SNX4: variants seen among roughly 807,000 people sequenced by gnomAD.
SNX4 encodes sorting nexin-4.
A neutral mutation model predicts 70.8 loss-of-function variants in SNX4; 49 were observed. The ratio of observed to expected loss-of-function variants is 0.69; its 90% CI spans 0.55 to 0.88. SNX4 has a LOEUF of 0.88. Ranked by LOEUF, SNX4 falls within the 40% of genes least tolerant of loss-of-function variation. The pLI is 0.00. For missense variants in SNX4, 528 were observed against 544.8 expected, an observed-to-expected ratio of 0.97 and a Z score of 0.31; for synonymous variants, 206 against 183.8, an observed-to-expected ratio of 1.12 and a Z score of -0.98.
At chr3:125,464,132 T>TA (rs1433091639) in intron 9 of SNX4, among the ~76,000 whole-genome samples, 1 of 152,176 alleles carries the variant, frequency 6.6e-6, no homozygotes, top group African/African-American at 2.4e-5. Flanking sequence ...TCAGTGGTAT[T>TA]AAGTATATAT....
chr3:125,518,803 G>T (rs191675973), intron 1 of SNX4, among the ~76,000 whole-genome samples: 1 of 151,232 alleles, frequency 6.6e-6, no homozygotes, highest in African/African-American at 2.4e-5. Flanking sequence ...AGAAGTTCGA[G>T]ACCAGCCTGA....
chr3:125,476,639 T>C, intron 8 of SNX4, 56 bp downstream of exon 8: 1 of 1,009,906 alleles, frequency 9.9e-7, no homozygotes. Context: ...GAATTATTGT[T>C]TTCAGGCAAA....
intron 2 of SNX4, among the ~76,000 whole-genome samples, chr3:125,502,306 C>T (rs1246489914): frequency 1.3e-5 from 2 of 151,910 alleles, no homozygotes; most frequent in African/African-American, 4.8e-5. Context: ...ACCACATTAC[C>T]TCTCTCATTT....
chr3:125,495,569 G>T (rs1934775551), intron 5 of SNX4, among the ~76,000 whole-genome samples: 1 of 148,748 alleles, frequency 6.7e-6, no homozygotes, highest in South Asian at 2.1e-4. Flanking sequence ...AATACATAAG[G>T]CTCCCCCACA....
intron 6 of SNX4, among the ~76,000 whole-genome samples, chr3:125,488,216 C>A (rs1934575107): frequency 6.7e-6 from 1 of 149,416 alleles, no homozygotes; most frequent in Admixed American, 6.7e-5. Flanking sequence ...TGGCTCACAC[C>A]TGTAATCCCA....
At chr3:125,485,068 A>C (rs1002819404) in intron 6 of SNX4, among the ~76,000 whole-genome samples, 9 of 152,002 alleles carry the variant, frequency 5.9e-5, no homozygotes, top group Non-Finnish European at 1.0e-4. Flanking sequence ...CATCTCCAAA[A>C]AAAAACAAAA....
At chr3:125,450,980 T>G (rs577713103) in intron 13 of SNX4, among the ~76,000 whole-genome samples, 1 of 152,270 alleles carries the variant, frequency 6.6e-6, no homozygotes, top group South Asian at 2.1e-4. Flanking sequence ...GTAACACCAG[T>G]AGAGGCTGGA....
chr3:125,485,628 T>C (rs1934506550), intron 6 of SNX4, among the ~76,000 whole-genome samples: 1 of 152,156 alleles, frequency 6.6e-6, no homozygotes, highest in Non-Finnish European at 1.5e-5. Context: ...CATACGGCTG[T>C]AGTTTTCTCT....
intron 8 of SNX4, among the ~76,000 whole-genome samples, chr3:125,471,794 C>G (rs549013951): frequency 6.6e-6 from 1 of 152,288 alleles, no homozygotes; most frequent in African/African-American, 2.4e-5. Flanking sequence ...ACAGGTGGAT[C>G]TGAAAGTTCC....
At chr3:125,496,632 C>T (rs973097951) in intron 5 of SNX4, among the ~76,000 whole-genome samples, 1 of 152,038 alleles carries the variant, frequency 6.6e-6, no homozygotes, top group African/African-American at 2.4e-5. Context: ...TTGTAATAAC[C>T]TTTGTTGTAT....
At position 125,489,718 on chromosome 3, in the gene SNX4, C is replaced by T. The variant is rs147659434; in HGVS notation, c.598-255G>A. Among the ~76,000 whole-genome samples the T allele has an allele frequency of 8.7e-3, 1,327 of 152,334 alleles. 17 individuals are homozygous for T. Among genetic ancestry groups the T allele is most frequent in the African/African-American group, 0.03 (1,247 of 41,578 alleles). ...AAACAACTGTACACACCAACCAATA[C>T]ACGAACAGGCATATAGCTCTGCATT... On this transcript the variant is annotated intron_variant, in intron 5 of 13. Coordinates refer to ENST00000251775, the MANE Select transcript of SNX4 (RefSeq NM_003794.4).
intron 10 of SNX4, among the ~76,000 whole-genome samples, chr3:125,459,820 A>G (rs1169919207): frequency 2.0e-5 from 3 of 151,942 alleles, no homozygotes; most frequent in Non-Finnish European, 2.9e-5. Context: ...CGAGCTAACA[A>G]TGTGCAGATG....
chr3:125,456,519 T>G (rs1256746570), intron 11 of SNX4, among the ~76,000 whole-genome samples: 1 of 151,970 alleles, frequency 6.6e-6, no homozygotes. Context: ...TGGGGGCACA[T>G]GCCTGTGGTC....
chr3:125,475,737 G>T (rs1934276255), intron 8 of SNX4, among the ~76,000 whole-genome samples: 1 of 152,194 alleles, frequency 6.6e-6, no homozygotes, highest in South Asian at 2.1e-4. Flanking sequence ...AGCACTATGG[G>T]GGGCCGAAGC....
chr3:125,491,110 T>C (rs11924269), intron 5 of SNX4, among the ~76,000 whole-genome samples: 1 of 152,128 alleles, frequency 6.6e-6, no homozygotes, highest in Non-Finnish European at 1.5e-5. Context: ...CTAAAGAATA[T>C]CTAAAGTAGT....
intron 7 of SNX4, among the ~76,000 whole-genome samples, chr3:125,478,730 C>T (rs1251885917): frequency 1.3e-5 from 2 of 151,232 alleles, no homozygotes; most frequent in African/African-American, 2.4e-5. Flanking sequence ...AGAGAAGTTG[C>T]TGAAAAACCA....
Position 125,457,265 on chromosome 3 carries a change from C to A in SNX4, c.1044+1G>T, listed in dbSNP as rs756268234. On this transcript the variant is annotated splice_donor_variant, in intron 11 of 13. Coordinates refer to ENST00000251775, the MANE Select transcript of SNX4 (RefSeq NM_003794.4). LOFTEE classifies it high-confidence loss of function. Reference sequence around the variant, plus strand: ...TCAGAGGCCAAAAGGAAAATACTCACCCCAGTTACCAGTTCCTCACACTGC... The same window carrying A: ...TCAGAGGCCAAAAGGAAAATACTCAACCCAGTTACCAGTTCCTCACACTGC... 2 of 1,610,834 alleles carry A rather than the reference C, an allele frequency of 1.2e-6. No homozygotes were observed. Among genetic ancestry groups the A allele is most frequent in the Non-Finnish European group, 1.7e-6 (2 of 1,177,042 alleles).
chr3:125,504,471 G>T, intron 2 of SNX4, 152 bp downstream of exon 2: 1 of 689,574 alleles, frequency 1.5e-6, no homozygotes, highest in Non-Finnish European at 2.3e-6. Context: ...GCAACAGAAT[G>T]AGACCCTGTC....
chr3:125,510,766 G>A (rs1056485095), intron 1 of SNX4, among the ~76,000 whole-genome samples: 2 of 152,160 alleles, frequency 1.3e-5, no homozygotes, highest in African/African-American at 4.8e-5. Context: ...CTGCGGCAGG[G>A]GGAAATAGGT....
Sources: gnomAD v4.1 joint callset for allele counts (sites outside exome capture counted in the v4.1 genomes callset) on GRCh38, gnomAD v4.1.1 for gene constraint, MANE v1.5 for transcripts, NCBI Gene and HGNC (gene_info 2026-07-23, HGNC 2026-07-21) for gene names.